Variants in CHST9 observed in about 807,000 individuals in gnomAD.
CHST9 encodes GalNAc-4-sulfotransferase 2.
A neutral mutation model predicts 44.4 loss-of-function variants in CHST9; 41 were observed. The observed-to-expected ratio is 0.92, with a 90% CI of 0.72 to 1.20. The LOEUF (loss-of-function observed/expected upper bound fraction) is 1.20. Among genes scored for constraint, CHST9 ranks in the 50% most tolerant of loss-of-function variants. The pLI, the probability that CHST9 is intolerant of heterozygous loss-of-function variation, is 0.00. For missense variants in CHST9, 504 were observed against 516.5 expected (o/e 0.98, Z 0.23); for synonymous variants, 171 against 178.4 (o/e 0.96, Z 0.33).
intron 4 of CHST9, among the ~76,000 whole-genome samples, chr18:26,992,259 C>A (rs1272487363): frequency 8.4e-6 from 1 of 119,356 alleles, no homozygotes; most frequent in Non-Finnish European, 1.9e-5. Context: ...ACAAATCACA[C>A]CACATCTATG....
chr18:27,059,890 A>G (rs2057701254), intron 2 of CHST9, among the ~76,000 whole-genome samples: 1 of 152,342 alleles, frequency 6.6e-6, no homozygotes, highest in Admixed American at 6.5e-5. Context: ...CCGATATTTC[A>G]TGGATAGAAG....
intron 3 of CHST9, among the ~76,000 whole-genome samples, chr18:27,029,215 C>A (rs962946796): frequency 4.6e-5 from 7 of 152,126 alleles, no homozygotes; most frequent in South Asian, 4.2e-4. Context: ...AGAAAAAAGA[C>A]AATTCTTGCA....
At chr18:27,095,502 G>A (rs138502391) in intron 2 of CHST9, among the ~76,000 whole-genome samples, 184 of 152,128 alleles carry the variant, frequency 1.2e-3, no homozygotes, top group African/African-American at 4.3e-3. Flanking sequence ...TGAAAAGTTC[G>A]ATGAAAAAAC....
intron 2 of CHST9, among the ~76,000 whole-genome samples, chr18:27,123,750 G>A (rs995613845): frequency 2.0e-5 from 3 of 152,164 alleles, no homozygotes; most frequent in African/African-American, 7.2e-5. Context: ...GGTCTGCTAG[G>A]ATCTGAGGAG....
intron 4 of CHST9, among the ~76,000 whole-genome samples, chr18:26,970,957 C>G (rs2056534848): frequency 6.6e-6 from 1 of 152,158 alleles, no homozygotes; most frequent in African/African-American, 2.4e-5. Flanking sequence ...TTTCTCAGCT[C>G]TATTTTTGCT....
intron 4 of CHST9, among the ~76,000 whole-genome samples, chr18:27,004,328 G>C (rs2056987614): frequency 7.4e-6 from 1 of 134,512 alleles, no homozygotes; most frequent in South Asian, 2.3e-4. Flanking sequence ...GTTTTGCTAG[G>C]CTTTTCTTTT....
At chr18:27,009,450 T>TA (rs369975041) in intron 4 of CHST9, among the ~76,000 whole-genome samples, 2 of 152,000 alleles carry the variant, frequency 1.3e-5, no homozygotes, top group South Asian at 2.1e-4. Context: ...GATCCTTTAC[T>TA]AAAAAAAATA....
rs692771 is a variant in CHST9, at chr18:26,914,659, G to C, written c.*1600C>G. 1 of 337,370 alleles carries C rather than the reference G, an allele frequency of 3.0e-6. No individual in the cohort carries two copies. Among genetic ancestry groups the C allele is most frequent in the Non-Finnish European group, 5.3e-6 (1 of 188,068 alleles). The allele number at this position is 337,370 out of a possible 1,614,324, so 20.9% of individuals were successfully genotyped here. On this transcript the variant is annotated 3_prime_UTR_variant, in exon 6 of 6. Transcript: ENST00000618847. ...GTTTACTTACTCCTTAGGAGACACA[G>C]ATGGGACACGGCAGGTGTGTGTAAG...
chr18:27,057,976 T>C (rs562628250), intron 2 of CHST9, among the ~76,000 whole-genome samples: 9 of 152,336 alleles, frequency 5.9e-5, no homozygotes, highest in Admixed American at 2.0e-4. Context: ...ATTCCCAACA[T>C]TGGTCTGGCT....
chr18:26,917,815 A>G (rs2055565113), intron 5 of CHST9, among the ~76,000 whole-genome samples: 1 of 152,206 alleles, frequency 6.6e-6, no homozygotes, highest in Non-Finnish European at 1.5e-5. Context: ...AAATTTTGGC[A>G]AGGCTAATTA....
intron 4 of CHST9, among the ~76,000 whole-genome samples, chr18:27,013,170 A>G (rs959702023): frequency 6.6e-6 from 1 of 152,244 alleles, no homozygotes; most frequent in Non-Finnish European, 1.5e-5. Context: ...CAGTGTATCC[A>G]ATAGCAACAA....
At chr18:26,962,979 T>G (rs1363605597) in intron 4 of CHST9, among the ~76,000 whole-genome samples, 1 of 152,198 alleles carries the variant, frequency 6.6e-6, no homozygotes, top group Non-Finnish European at 1.5e-5. Context: ...TATTTGAAAC[T>G]TTAAAGCTGA....
At chr18:27,114,214 A>C (rs536400254) in intron 2 of CHST9, among the ~76,000 whole-genome samples, 1 of 152,228 alleles carries the variant, frequency 6.6e-6, no homozygotes, top group Non-Finnish European at 1.5e-5. Context: ...TGACCCAATT[A>C]TAACGACGGA....
At chr18:26,975,760 T>TATAA (rs1189299365) in intron 4 of CHST9, among the ~76,000 whole-genome samples, 2 of 126,812 alleles carry the variant, frequency 1.6e-5, no homozygotes, top group Non-Finnish European at 3.4e-5. Flanking sequence ...TATATATATA[T>TATAA]ATATAACATT....
chr18:27,001,992 T>G (rs1348615940), intron 4 of CHST9, among the ~76,000 whole-genome samples: 1 of 151,976 alleles, frequency 6.6e-6, no homozygotes, highest in African/African-American at 2.4e-5. Flanking sequence ...TTCAAAATGC[T>G]GCCCCTGCAG....
intron 1 of CHST9, among the ~76,000 whole-genome samples, chr18:27,146,182 G>C (rs1319918024): frequency 6.6e-6 from 1 of 152,144 alleles, no homozygotes; most frequent in African/African-American, 2.4e-5. Flanking sequence ...GCTGGAAAAA[G>C]ATTAAGAATT....
intron 4 of CHST9, among the ~76,000 whole-genome samples, chr18:26,947,506 T>C (rs1483957871): frequency 1.3e-5 from 2 of 152,176 alleles, no homozygotes; most frequent in Admixed American, 1.3e-4. Flanking sequence ...AATCTATCCA[T>C]TTGACAAAGG....
At chr18:26,977,036 C>G (rs2056631697) in intron 4 of CHST9, among the ~76,000 whole-genome samples, 1 of 150,692 alleles carries the variant, frequency 6.6e-6, no homozygotes. Flanking sequence ...TTGCCAGGCC[C>G]TTTTATGGAA....
At chr18:27,079,886 C>G (rs1311758558) in intron 2 of CHST9, among the ~76,000 whole-genome samples, 3 of 152,182 alleles carry the variant, frequency 2.0e-5, no homozygotes, top group Non-Finnish European at 4.4e-5. Context: ...TCTCACATCT[C>G]TTTGGATTCT....
Sources: allele counts gnomAD v4.1 joint callset (sites outside exome capture counted in the v4.1 genomes callset), GRCh38; gene constraint gnomAD v4.1.1; transcripts MANE v1.5; gene names NCBI Gene and HGNC (gene_info 2026-07-23, HGNC 2026-07-21).